Variants in FA2H observed in about 807,000 individuals in gnomAD.
FA2H encodes fatty acid 2-hydroxylase.
FA2H carries 22 observed loss-of-function variants against 44.9 expected under a neutral mutation model. That is an observed-to-expected ratio of 0.49 (90% confidence interval 0.35 to 0.70). The LOEUF is 0.70. FA2H is among the 30% of genes least tolerant of loss of function. The pLI is 0.01. For synonymous variants in FA2H, 243 were observed against 213.2 expected (o/e 1.14, Z -1.22); for missense variants, 501 against 504.9 (o/e 0.99, Z 0.07).
chr16:74,736,685 T>C (rs946660582), intron 2 of FA2H, among the ~76,000 whole-genome samples: 1 of 152,202 alleles, frequency 6.6e-6, no homozygotes, highest in African/African-American at 2.4e-5. Context: ...TATGCCAGCA[T>C]CTGGCTTAGC....
chr16:74,763,385 G>A (rs2144660875), intron 1 of FA2H, among the ~76,000 whole-genome samples: 1 of 152,094 alleles, frequency 6.6e-6, no homozygotes, highest in Non-Finnish European at 1.5e-5. Flanking sequence ...AGCCTTCCGA[G>A]TAACTGGGAT....
chr16:74,741,619 C>A (rs1962296807), intron 1 of FA2H, among the ~76,000 whole-genome samples: 1 of 151,708 alleles, frequency 6.6e-6, no homozygotes, highest in Non-Finnish European at 1.5e-5. Context: ...CATGACCACA[C>A]CCAGCTAATT....
intron 1 of FA2H, among the ~76,000 whole-genome samples, chr16:74,750,894 A>G (rs890410737): frequency 1.4e-4 from 21 of 151,338 alleles, no homozygotes; most frequent in Admixed American, 2.6e-4. Flanking sequence ...CAATCCTTCT[A>G]CCTCAGCCTC....
intron 1 of FA2H, among the ~76,000 whole-genome samples, chr16:74,753,666 C>G (rs1334270387): frequency 6.6e-6 from 1 of 152,076 alleles, no homozygotes; most frequent in Non-Finnish European, 1.5e-5. Context: ...GAGCGAGACT[C>G]CAGCTCAAAA....
At chr16:74,738,235 TG>T (rs1419659686) in intron 2 of FA2H, among the ~76,000 whole-genome samples, 4 of 150,870 alleles carry the variant, frequency 2.7e-5, no homozygotes, top group African/African-American at 9.8e-5. Context: ...GAGAGAGAGG[TG>T]GGGAAGGTGA....
At chr16:74,726,041 G>A in intron 4 of FA2H, 184 bp downstream of exon 4, 1 of 597,052 alleles carries the variant, frequency 1.7e-6, no homozygotes, top group Non-Finnish European at 3.1e-6. Context: ...GTATCCATTT[G>A]GGGGGTAGAT....
At chr16:74,720,549 A>C (rs1452344371) in intron 4 of FA2H, among the ~76,000 whole-genome samples, 1 of 152,008 alleles carries the variant, frequency 6.6e-6, no homozygotes, top group Non-Finnish European at 1.5e-5. Context: ...AGCTTTGGCC[A>C]TATCTTCTCT....
At chr16:74,724,906 G>A (rs996713799) in intron 4 of FA2H, among the ~76,000 whole-genome samples, 9 of 152,174 alleles carry the variant, frequency 5.9e-5, no homozygotes, top group Admixed American at 5.2e-4. Flanking sequence ...CATCTCTGGA[G>A]GAATCCGGCG....
At chr16:74,774,320 G>T (rs1962966659) in intron 1 of FA2H, among the ~76,000 whole-genome samples, 166 bp downstream of exon 1, 1 of 152,074 alleles carries the variant, frequency 6.6e-6, no homozygotes, top group Non-Finnish European at 1.5e-5. Flanking sequence ...GGGTTGGAGG[G>T]GACGACAGTG....
At chr16:74,748,770 C>G (rs1450759484) in intron 1 of FA2H, among the ~76,000 whole-genome samples, 3 of 141,650 alleles carry the variant, frequency 2.1e-5, no homozygotes, top group Admixed American at 2.1e-4. Flanking sequence ...GTGCGGCGGG[C>G]GGGGGCTGGG....
intron 1 of FA2H, among the ~76,000 whole-genome samples, chr16:74,769,602 A>C (rs74355523): frequency 0.21 from 32,635 of 152,154 alleles, 4,152 homozygotes; most frequent in Non-Finnish European, 0.29. Context: ...GGGGGAAAAA[A>C]ACCTGGGGTG....
At chr16:74,745,153 G>A (rs1962394625) in intron 1 of FA2H, among the ~76,000 whole-genome samples, 1 of 152,214 alleles carries the variant, frequency 6.6e-6, no homozygotes, top group African/African-American at 2.4e-5. Context: ...AAGGTAGGCA[G>A]AAGAGACAGC....
intron 1 of FA2H, among the ~76,000 whole-genome samples, chr16:74,762,608 G>A (rs1962734019): frequency 6.6e-6 from 1 of 152,150 alleles, no homozygotes; most frequent in Non-Finnish European, 1.5e-5. Flanking sequence ...TTGGCTCACT[G>A]CAACCTCCGC....
At chr16:74,744,530 C>T (rs566451025) in intron 1 of FA2H, among the ~76,000 whole-genome samples, 172 of 150,368 alleles carry the variant, frequency 1.1e-3, no homozygotes, top group African/African-American at 4.0e-3. Flanking sequence ...TGGCTCACTG[C>T]AGCCTCAACC....
intron 1 of FA2H, among the ~76,000 whole-genome samples, chr16:74,773,812 G>A (rs926413661): frequency 1.3e-5 from 2 of 152,190 alleles, no homozygotes; most frequent in African/African-American, 4.8e-5. Flanking sequence ...ACACAGTCTG[G>A]TCCAAAGTGC....
chr16:74,769,992 CA>C (rs1567652716), intron 1 of FA2H, among the ~76,000 whole-genome samples: 1 of 152,192 alleles, frequency 6.6e-6, no homozygotes, highest in African/African-American at 2.4e-5. Flanking sequence ...GAGGGTGCAG[CA>C]AAGTGGGGTG....
intron 4 of FA2H, 72 bp from the exon 5 acceptor site, chr16:74,719,232 C>G (rs1165906225): frequency 7.3e-7 from 1 of 1,374,832 alleles, no homozygotes; most frequent in African/African-American, 1.4e-5. Context: ...GTCCCTGCCT[C>G]ACCATCCCCA....
At position 74,727,306 on chromosome 16, in the gene FA2H, C is replaced by T. The variant is rs138087787; in HGVS notation, c.444G>A (p.Pro148=). Residue 148 remains proline (P), a synonymous_variant, in exon 3 of 7, where the codon CCG becomes CCA. Coordinates refer to ENST00000219368, the MANE Select transcript of FA2H (RefSeq NM_024306.5). ...GGAAGAGGCGGATGGGCCTGGTCAC[C>T]GGCTGGTGAACCCACTCATCGTACT... ...GEKYDEWVHQ[P]VTRPIRLFHS... 29 of 1,614,014 alleles carry T rather than the reference C, an allele frequency of 1.8e-5. No homozygotes were observed. Among genetic ancestry groups the T allele is most frequent in the African/African-American group, 4.0e-5 (3 of 74,930 alleles).
intron 1 of FA2H, among the ~76,000 whole-genome samples, chr16:74,755,179 TG>T (rs796067245): frequency 2.1e-5 from 3 of 145,944 alleles, no homozygotes; most frequent in East Asian, 3.9e-4. Flanking sequence ...TTGGCAGGGC[TG>T]GGGGGTGTTG....
Sources: allele counts gnomAD v4.1 joint callset (sites outside exome capture counted in the v4.1 genomes callset), GRCh38; gene constraint gnomAD v4.1.1; transcripts MANE v1.5; gene names NCBI Gene and HGNC (gene_info 2026-07-23, HGNC 2026-07-21).